Variants in ZNF571 observed in about 807,000 individuals in gnomAD.
The protein encoded by ZNF571 is zinc finger protein 571.
ZNF571 carries 4 observed loss-of-function variants against 7.7 expected under a neutral mutation model. The observed-to-expected ratio is 0.52, with a 90% CI of 0.25 to 1.18. The LOEUF is 1.18. Ranked by LOEUF, ZNF571 falls within the 50% of genes most tolerant of loss-of-function variation. The pLI is 0.14. For missense variants in ZNF571, 704 were observed against 726.9 expected (o/e 0.97, Z 0.36); for synonymous variants, 251 against 232.4 (o/e 1.08, Z -0.73).
chr19:37,565,191 G>C lies in ZNF571; in HGVS notation c.1237C>G (p.His413Asp), dbSNP rs1181138826. ...CATTTGTAGGGCTTCTCTCCGGTAT[G>C]AATTCTTTGATGTTGAATAAGATTA... ...NSNLIQHQRI[H>D]TGEKPYKCKE... Residue 413 changes from histidine to aspartate, a missense_variant, in exon 4 of 4, where the codon CAT becomes GAT. Physicochemically the swap from His to Asp is moderately conservative, Grantham distance 81. Coordinates refer to ENST00000451802, the MANE Select transcript of ZNF571 (RefSeq NM_016536.5). 2 of 1,613,518 alleles carry C rather than the reference G, an allele frequency of 1.2e-6. No homozygotes were observed. The highest frequency in any genetic ancestry group is 1.7e-6 in the Non-Finnish European group (2 of 1,179,830).
chr19:37,586,995 C>A lies in ZNF571; in HGVS notation c.-69-250G>T, dbSNP rs570623708. On this transcript the variant is annotated intron_variant, in intron 1 of 3. Transcript: ENST00000451802. ...TCTTCCACAGTAGAACAGAGGCATG[C>A]CCAGGGAGCCCCCCACCATCCTCCT... 1.3e-5 allele frequency: 4 copies of A among 317,500 alleles called. No individual in the cohort carries two copies. The South Asian group carries it at 2.7e-4, about 22-fold the overall frequency. 19.7% of individuals were successfully genotyped at this position (317,500 alleles called of 1,614,324 possible).
chr19:37,586,059 T>G (rs1331241374), intron 2 of ZNF571: 1 of 152,342 alleles, frequency 6.6e-6, no homozygotes, highest in African/African-American at 2.4e-5. Flanking sequence ...ATTAGCCCTT[T>G]CAGACTGATT....
At chr19:37,567,586 C>G (rs1600464568) in intron 3 of ZNF571, 1 of 152,274 alleles carries the variant, frequency 6.6e-6, no homozygotes, top group South Asian at 2.1e-4. Context: ...GATTTAAGTT[C>G]CAAGAACATG....
At chr19:37,566,355 T>C in intron 3 of ZNF571, 64 bp from the exon 4 acceptor site, 2 of 1,493,592 alleles carry the variant, frequency 1.3e-6, no homozygotes, top group African/African-American at 2.8e-5. Flanking sequence ...AATTCTATGG[T>C]AAAAATGATA....
chr19:37,584,265 A>T, intron 2 of ZNF571, 168 bp from the exon 3 acceptor site: 1 of 800,322 alleles, frequency 1.2e-6, no homozygotes, highest in Non-Finnish European at 1.9e-6. Context: ...ATTGCCACAG[A>T]TAAAACTTCC....
intron 1 of ZNF571, among the ~76,000 whole-genome samples, chr19:37,590,027 A>C (rs140106325): frequency 6.9e-4 from 105 of 152,152 alleles, no homozygotes; most frequent in African/African-American, 2.4e-3. Context: ...TTTCCATTAA[A>C]AGAGACTAAA....
intron 3 of ZNF571, among the ~76,000 whole-genome samples, chr19:37,576,504 G>A (rs1238830725): frequency 1.3e-5 from 2 of 152,132 alleles, no homozygotes; most frequent in African/African-American, 2.4e-5. Flanking sequence ...TAAAAATTAA[G>A]CAATTAACAC....
intron 3 of ZNF571, among the ~76,000 whole-genome samples, chr19:37,567,028 T>C (rs1484169236): frequency 2.0e-5 from 3 of 152,172 alleles, no homozygotes; most frequent in Non-Finnish European, 4.4e-5. Flanking sequence ...GTTAAAAAAG[T>C]GTCAAGCATA....
intron 1 of ZNF571, among the ~76,000 whole-genome samples, chr19:37,589,920 A>G (rs2043816296): frequency 6.6e-6 from 1 of 151,404 alleles, no homozygotes; most frequent in African/African-American, 2.4e-5. Flanking sequence ...GGAAACATCA[A>G]ACACATACAA....
At chr19:37,593,556 A>T (rs542544510) in intron 1 of ZNF571, among the ~76,000 whole-genome samples, 2 of 152,176 alleles carry the variant, frequency 1.3e-5, no homozygotes, top group South Asian at 4.1e-4. Context: ...ACAAAAAATT[A>T]GCCGGGCATG....
At chr19:37,587,512 C>T (rs574415547) in intron 1 of ZNF571, among the ~76,000 whole-genome samples, 1 of 152,318 alleles carries the variant, frequency 6.6e-6, no homozygotes, top group East Asian at 1.9e-4. Context: ...CACAGCACGC[C>T]CCCTCTTGCA....
In ZNF571 at chr19:37,565,813, A is replaced by G. The variant is rs2042836080; in HGVS notation, c.615T>C (p.Gly205=). 6.2e-7 allele frequency: 1 copy of G among 1,613,738 alleles called. No individual in the cohort carries two copies. Among genetic ancestry groups the G allele is most frequent in the South Asian group, 1.1e-5 (1 of 91,046 alleles). Residue 205 remains glycine, a synonymous_variant, in exon 4 of 4, where the codon GGT becomes GGC. Transcript: ENST00000451802. ...GATGTTGAATGAGATCAGAAGTACG[A>G]CCAAAGGCCTTTCCACATTCCATAC... ...YECMECGKAF[G]RTSDLIQHQK...
Position 37,583,782 on chromosome 19 carries a change from G to A in ZNF571, c.136+189C>T, listed in dbSNP as rs533667542. ...ATTGGCATCAAAGAAGGGAGACACT[G>A]ACAGGAAGTGACAGAGAAAGATGTG... On this transcript the variant is annotated intron_variant, in intron 3 of 3. Coordinates refer to ENST00000451802, the MANE Select transcript of ZNF571 (RefSeq NM_016536.5). 111 of 519,208 alleles carry A rather than the reference G, an allele frequency of 2.1e-4. 1 individual carries two copies. The East Asian group carries it at 3.7e-3, about 17-fold the overall frequency. 32.2% of individuals were successfully genotyped at this position (519,208 alleles called of 1,614,324 possible).
chr19:37,564,463 A>AAAT lies in ZNF571; in HGVS notation c.*132_*134dup. ...TAAGGAATTATTTAAGGGGTTTCTG[A>AAAT]AATTATTCTGCATCCATGTTAATGT... On this transcript the variant is annotated 3_prime_UTR_variant, in exon 4 of 4. Transcript: ENST00000451802. 1 of 703,004 alleles carries AAAT rather than the reference A, an allele frequency of 1.4e-6. No individual in the cohort carries two copies. The highest frequency in any genetic ancestry group is 2.1e-6 in the Non-Finnish European group (1 of 477,030). The allele number at this position is 703,004 out of a possible 1,614,324, so 43.5% of individuals were successfully genotyped here.
chr19:37,573,019 G>A (rs967719307), intron 3 of ZNF571, among the ~76,000 whole-genome samples: 2 of 151,990 alleles, frequency 1.3e-5, no homozygotes, highest in African/African-American at 4.8e-5. Context: ...ATTGATTATA[G>A]AATCTTCAAT....
At chr19:37,593,282 A>G (rs2043920997) in intron 1 of ZNF571, among the ~76,000 whole-genome samples, 1 of 152,248 alleles carries the variant, frequency 6.6e-6, no homozygotes, top group Non-Finnish European at 1.5e-5. Context: ...AATGTTTTTA[A>G]TTACAGCTAG....
At chr19:37,574,444 A>G (rs564107317) in intron 3 of ZNF571, among the ~76,000 whole-genome samples, 31 of 152,214 alleles carry the variant, frequency 2.0e-4, no homozygotes, top group Non-Finnish European at 3.8e-4. Flanking sequence ...ATCTCCAAAA[A>G]TATTATTCCC....
chr19:37,578,357 TGAGA>T (rs2043319066), intron 3 of ZNF571, among the ~76,000 whole-genome samples: 1 of 151,938 alleles, frequency 6.6e-6, no homozygotes, highest in Admixed American at 6.6e-5. Flanking sequence ...GGTGAAACGG[TGAGA>T]GAGTGAGAGT....
At position 37,565,408 on chromosome 19, in the gene ZNF571, A is replaced by G; in HGVS notation, c.1020T>C (p.Cys340=). The G allele has an allele frequency of 6.2e-7, 1 of 1,613,606 alleles. No homozygotes were observed. ...GGGAGGCACATAAAAAGGCTTTCCC[A>G]CATTCTTTACATATGTAAGGCTTTT... The part of the protein sequence containing the change: ...TGEKPYICKE[C]GKAFLCASQL... Residue 340 remains cysteine (C), a synonymous_variant, in exon 4 of 4, where the codon TGT becomes TGC. Coordinates refer to ENST00000451802, the MANE Select transcript of ZNF571 (RefSeq NM_016536.5).
Sources: gnomAD v4.1 joint callset for allele counts (sites outside exome capture counted in the v4.1 genomes callset) on GRCh38, gnomAD v4.1.1 for gene constraint, MANE v1.5 for transcripts, NCBI Gene and HGNC (gene_info 2026-07-23, HGNC 2026-07-21) for gene names.